L3MBTL4: variants seen among roughly 807,000 people sequenced by gnomAD.
L3MBTL4 encodes the protein lethal(3)malignant brain tumor-like protein 4.
Under a neutral mutation model 84.5 loss-of-function variants are expected in L3MBTL4, and 70 were observed. The observed-to-expected ratio is 0.83, with a 90% CI of 0.68 to 1.01. The LOEUF is 1.01. Ranked by LOEUF, L3MBTL4 falls within the 50% of genes least tolerant of loss-of-function variation. The pLI is 0.00. For missense variants in L3MBTL4, 715 were observed against 754.8 expected, an observed-to-expected ratio of 0.95 and a Z score of 0.62; for synonymous variants, 274 against 259.8, an observed-to-expected ratio of 1.05 and a Z score of -0.52.
intron 13 of L3MBTL4, among the ~76,000 whole-genome samples, chr18:6,140,348 C>G (rs562461971): frequency 1.6e-3 from 238 of 152,364 alleles, no homozygotes; most frequent in South Asian, 8.3e-3. Flanking sequence ...TCAATCATGT[C>G]TGGCTGTGGC....
chr18:6,383,626 T>A (rs1366760946), intron 1 of L3MBTL4, among the ~76,000 whole-genome samples: 3 of 152,278 alleles, frequency 2.0e-5, no homozygotes, highest in South Asian at 2.1e-4. Context: ...CGGCTTGCCC[T>A]CTGTGGGCTG....
At position 6,015,064 on chromosome 18, in the gene L3MBTL4, C is replaced by G. The variant is rs553003275; in HGVS notation, c.1445-45502G>C. Among the ~76,000 whole-genome samples, 3 of 151,816 alleles carry G rather than the reference C, an allele frequency of 2.0e-5. No individual in the cohort carries two copies. In the South Asian group the frequency reaches 6.3e-4, roughly 32 times the overall value. On this transcript the variant is annotated intron_variant, in intron 16 of 18. Transcript: ENST00000317931. ...GGGAGGAAAGATGATGAGGGAAGTG[C>G]TTGGGGTCATACAAATGGAGTATTT...
chr18:6,381,942 A>G (rs190340272), intron 1 of L3MBTL4, among the ~76,000 whole-genome samples: 1 of 152,244 alleles, frequency 6.6e-6, no homozygotes, highest in African/African-American at 2.4e-5. Context: ...GCTTGGTTCC[A>G]TTGTCTCCAT....
intron 16 of L3MBTL4, among the ~76,000 whole-genome samples, chr18:5,973,965 C>T (rs2052773896): frequency 6.6e-6 from 1 of 152,204 alleles, no homozygotes; most frequent in Non-Finnish European, 1.5e-5. Context: ...AAAATGTTCT[C>T]TGCACCAGAA....
At chr18:6,255,942 C>T (rs1462310630) in intron 5 of L3MBTL4, among the ~76,000 whole-genome samples, 2 of 152,140 alleles carry the variant, frequency 1.3e-5, no homozygotes, top group Non-Finnish European at 2.9e-5. Flanking sequence ...CATCATTTGG[C>T]TTATGATTAA....
intron 13 of L3MBTL4, among the ~76,000 whole-genome samples, chr18:6,157,368 A>G (rs544136116): frequency 1.3e-5 from 2 of 152,210 alleles, no homozygotes; most frequent in Non-Finnish European, 2.9e-5. Context: ...TAATTGCTTC[A>G]CATCTGGCCA....
At chr18:6,185,692 G>C (rs145689342) in intron 12 of L3MBTL4, among the ~76,000 whole-genome samples, 79 of 152,268 alleles carry the variant, frequency 5.2e-4, no homozygotes, top group African/African-American at 1.8e-3. Flanking sequence ...AAGAAATCCT[G>C]AGGAATTTTA....
intron 1 of L3MBTL4, among the ~76,000 whole-genome samples, chr18:6,380,742 C>T (rs112360050): frequency 0.094 from 14,372 of 152,094 alleles, 1,741 homozygotes; most frequent in African/African-American, 0.28. Flanking sequence ...TCCAATTATA[C>T]GGTCAATTTT....
intron 10 of L3MBTL4, among the ~76,000 whole-genome samples, chr18:6,217,845 TTG>T (rs1300352543): frequency 6.6e-6 from 1 of 152,228 alleles, no homozygotes; most frequent in African/African-American, 2.4e-5. Flanking sequence ...TATTTTCTGT[TTG>T]TGTTTGCTGA....
intron 4 of L3MBTL4, among the ~76,000 whole-genome samples, chr18:6,299,768 C>G (rs2050254527): frequency 6.6e-6 from 1 of 152,164 alleles, no homozygotes; most frequent in Non-Finnish European, 1.5e-5. Flanking sequence ...CTTCTGAGTT[C>G]AAGCTATCCT....
Position 6,183,349 on chromosome 18 carries a change from G to T in L3MBTL4, c.982-11407C>A, listed in dbSNP as rs183891666. Among the ~76,000 whole-genome samples, 3 of 152,314 alleles carry T rather than the reference G, an allele frequency of 2.0e-5. No homozygotes were observed. In the East Asian group the frequency reaches 5.8e-4, roughly 29 times the overall value. ...ATATTTCCATAATCTCTGCCCAAAA[G>T]CTTAAACAATTTGAAGCACTGAGGT... On this transcript the variant is annotated intron_variant, in intron 12 of 18. Coordinates refer to ENST00000317931, the MANE Select transcript of L3MBTL4 (RefSeq NM_001330559.2).
At chr18:6,345,975 T>TGC in intron 1 of L3MBTL4, among the ~76,000 whole-genome samples, 1 of 151,460 alleles carries the variant, frequency 6.6e-6, no homozygotes, top group Non-Finnish European at 1.5e-5. Context: ...AAAACAGATA[T>TGC]ATAGACCAAC....
At chr18:6,170,079 GATATTA>G (rs1309777426) in intron 13 of L3MBTL4, among the ~76,000 whole-genome samples, 1 of 152,082 alleles carries the variant, frequency 6.6e-6, no homozygotes, top group African/African-American at 2.4e-5. Context: ...TCATGCGATA[GATATTA>G]ATATTATCTT....
chr18:6,208,249 C>T (rs915966615), intron 12 of L3MBTL4, among the ~76,000 whole-genome samples: 4 of 152,184 alleles, frequency 2.6e-5, no homozygotes, highest in Non-Finnish European at 5.9e-5. Flanking sequence ...CATATCTGGA[C>T]TTTTGTTTTG....
intron 16 of L3MBTL4, among the ~76,000 whole-genome samples, chr18:6,078,349 C>T (rs2057933748): frequency 7.4e-6 from 1 of 134,920 alleles, no homozygotes. Flanking sequence ...ATCACTTGAA[C>T]CCAGGAAGTG....
At chr18:6,345,215 CAAAAAAAAA>C (rs35502624) in intron 1 of L3MBTL4, among the ~76,000 whole-genome samples, 2 of 38,492 alleles carry the variant, frequency 5.2e-5, no homozygotes, top group East Asian at 7.1e-4. Flanking sequence ...TACTAAAATA[CAAAAAAAAA>C]AAAAAAAAAA....
intron 12 of L3MBTL4, among the ~76,000 whole-genome samples, chr18:6,190,683 G>C (rs750522369): frequency 2.6e-5 from 4 of 152,060 alleles, no homozygotes; most frequent in Non-Finnish European, 5.9e-5. Flanking sequence ...ATTCTAGTAG[G>C]GATAATCAAA....
In L3MBTL4 at chr18:6,284,976, C is replaced by A. The variant is rs533254365; in HGVS notation, c.127+16927G>T. On this transcript the variant is annotated intron_variant, in intron 4 of 18. Transcript: ENST00000317931. ...CAGGGCAGCCTGGCATGGGCGGGGG[C>A]GGGAATGAACCCTAAACAAGGCGTT... 5.9e-5 allele frequency among the ~76,000 whole-genome samples: 9 copies of A among 152,252 alleles called. No homozygotes were observed. In the South Asian group the frequency reaches 1.9e-3, roughly 32 times the overall value.
chr18:6,167,526 C>T (rs568056881), intron 13 of L3MBTL4, among the ~76,000 whole-genome samples: 29 of 152,184 alleles, frequency 1.9e-4, no homozygotes, highest in South Asian at 6.2e-4. Context: ...GTTCAACATA[C>T]GCAAATCAAT....
Sources: allele counts gnomAD v4.1 joint callset (sites outside exome capture counted in the v4.1 genomes callset), GRCh38; gene constraint gnomAD v4.1.1; transcripts MANE v1.5; gene names NCBI Gene and HGNC (gene_info 2026-07-23, HGNC 2026-07-21).